The following TP53I11 variants were observed in gnomAD, a reference collection of about 807,000 sequenced individuals.
The protein encoded by TP53I11 is tumor protein p53-inducible protein 11.
Under a neutral mutation model 23.3 loss-of-function variants are expected in TP53I11, and 9 were observed. The ratio of observed to expected loss-of-function variants is 0.39; its 90% CI spans 0.23 to 0.67. The LOEUF (loss-of-function observed/expected upper bound fraction) is 0.67. Ranked by LOEUF, TP53I11 falls within the 30% of genes least tolerant of loss-of-function variation. The pLI, the probability that TP53I11 is intolerant of heterozygous loss-of-function variation, is 0.48. For missense variants in TP53I11, 170 were observed against 255.2 expected, an observed-to-expected ratio of 0.67 and a Z score of 2.27; for synonymous variants, 100 against 106.1, an observed-to-expected ratio of 0.94 and a Z score of 0.35.
upstream of TP53I11, chr11:44,951,201 G>A (rs1242194550): frequency 6.6e-6 from 1 of 152,530 alleles, no homozygotes; most frequent in Non-Finnish European, 1.5e-5. Context: ...AACGTAGATG[G>A]GCAAACCACA....
At chr11:44,949,311 G>C (rs1186468174) in intron 1 of TP53I11, among the ~76,000 whole-genome samples, 1 of 152,184 alleles carries the variant, frequency 6.6e-6, no homozygotes, top group Non-Finnish European at 1.5e-5. Context: ...TCCACAGGCC[G>C]TCAGGGGTGG....
chr11:44,937,829 G>A (rs1452601521), intron 2 of TP53I11, among the ~76,000 whole-genome samples: 2 of 152,224 alleles, frequency 1.3e-5, no homozygotes, highest in African/African-American at 2.4e-5. Flanking sequence ...TGATGGTGAC[G>A]TATGAAAGCT....
rs2135412314 is a variant in TP53I11 at position 44,934,813 on chromosome 11, G to C, written c.*71C>G. 1 of 1,598,170 alleles carries C rather than the reference G, an allele frequency of 6.3e-7. No homozygotes were observed. Among genetic ancestry groups the C allele is most frequent in the African/African-American group, 1.3e-5 (1 of 74,678 alleles). On this transcript the variant is annotated 3_prime_UTR_variant, in exon 7 of 7. Transcript: ENST00000525680. ...CAGGGGACCCTCCTGCCTTCCAGGAGCCAAAGGGAAGCCGAGGCCCCAGCG... is the reference window on the plus strand; with the variant it reads ...CAGGGGACCCTCCTGCCTTCCAGGACCCAAAGGGAAGCCGAGGCCCCAGCG...
In TP53I11 at chr11:44,937,339, C is replaced by T. The variant is rs759671696; in HGVS notation, c.202G>A (p.Val68Ile). 13 of 1,485,174 alleles carry T rather than the reference C, an allele frequency of 8.8e-6. No homozygotes were observed. In the African/African-American group the frequency reaches 1.1e-4, roughly 13 times the overall value. The allele number at this position is 1,485,174 out of a possible 1,614,324, so 92.0% of individuals were successfully genotyped here. A position where few individuals can be genotyped will look rare whatever the true frequency, so the allele number is the denominator to read the frequency against. The part of the protein sequence containing the change: ...EPLGLRVWQF[V>I]SAVLFSGIAI... ...ATGCCGGAGAAGAGCACAGCAGAGA[C>T]GAACTGCCAGACCCTGGGAGGCGTG... is the stretch of plus-strand genomic sequence containing the variant. The change falls in exon 4 of 7, where the codon GTC (valine) becomes ATC (isoleucine). Residue 68 changes from valine (V) to isoleucine (I), a missense_variant. Coordinates refer to ENST00000525680, the MANE Select transcript of TP53I11 (RefSeq NM_006034.5).
chr11:44,942,335 C>CCA (rs151152697), intron 1 of TP53I11, among the ~76,000 whole-genome samples: 7 of 146,264 alleles, frequency 4.8e-5, no homozygotes, highest in Non-Finnish European at 7.6e-5. Context: ...ACCATAGACA[C>CCA]CACACACACA....
At chr11:44,940,006 A>G (rs1861600571) in intron 1 of TP53I11, among the ~76,000 whole-genome samples, 1 of 152,232 alleles carries the variant, frequency 6.6e-6, no homozygotes, top group African/African-American at 2.4e-5. Context: ...CTACCCTGCC[A>G]GGGAAGCCAG....
chr11:44,941,520 A>G (rs1216681344), intron 1 of TP53I11, among the ~76,000 whole-genome samples: 1 of 152,080 alleles, frequency 6.6e-6, no homozygotes, highest in African/African-American at 2.4e-5. Flanking sequence ...CAGTCACTTA[A>G]CCTCTACGTG....
intron 1 of TP53I11, among the ~76,000 whole-genome samples, chr11:44,948,865 G>A (rs1565132464): frequency 1.3e-5 from 2 of 152,254 alleles, no homozygotes; most frequent in Non-Finnish European, 2.9e-5. Context: ...GAAATTGGGA[G>A]GCTGGGTGTG....
At position 44,936,974 on chromosome 11, in the gene TP53I11, C is replaced by T. The variant is rs894862127; in HGVS notation, c.238-75G>A. 1.5e-5 allele frequency: 16 copies of T among 1,074,960 alleles called. No individual in the cohort carries two copies. The highest frequency in any genetic ancestry group is 1.1e-4 in the African/African-American group (7 of 62,570). The allele number at this position is 1,074,960 out of a possible 1,614,324, so 66.6% of individuals were successfully genotyped here. The stretch of plus-strand genomic sequence containing the variant: ...GGTGACAGCTGATGCTTCCCACAGA[C>T]GTCTTCCTTCCCCGCCAGGAGCAGG... On this transcript the variant is annotated intron_variant, in intron 4 of 6. Coordinates refer to ENST00000525680, the MANE Select transcript of TP53I11 (RefSeq NM_006034.5). This position sits in a 1 kb window ranked among gnomAD's most constrained non-coding sequence, Gnocchi z 4.4.
In TP53I11 at chr11:44,938,436, C is replaced by CT; in HGVS notation, c.-31-71dup. On this transcript the variant is annotated intron_variant, in intron 1 of 6. Transcript: ENST00000525680. ...CCAGACCCTAGGGGAAGGGGCCTGA[C>CT]TAGCGGAAGGCCACACCCCACACCA... 4 of 1,427,552 alleles carry CT rather than the reference C, an allele frequency of 2.8e-6. No homozygotes were observed. The South Asian group carries it at 4.4e-5, about 16-fold the overall frequency. 88.4% of individuals were successfully genotyped at this position (1,427,552 alleles called of 1,614,324 possible).
intron 1 of TP53I11, among the ~76,000 whole-genome samples, chr11:44,948,805 T>C (rs1161131296): frequency 6.6e-6 from 1 of 152,088 alleles, no homozygotes; most frequent in African/African-American, 2.4e-5. Context: ...TCCTCCCCCA[T>C]ACCCCAAGAG....
intron 1 of TP53I11, chr11:44,947,110 G>A (rs1862461906): frequency 2.2e-6 from 1 of 456,150 alleles, no homozygotes; most frequent in Admixed American, 2.3e-5. Flanking sequence ...TCCTCCCCCG[G>A]GGGTCTGAAG....
At position 44,937,361 on chromosome 11, in the gene TP53I11, C is replaced by T. The variant is rs548753766; in HGVS notation, c.189-9G>A. On this transcript the variant is annotated splice_polypyrimidine_tract_variant and intron_variant, in intron 3 of 6. Transcript: ENST00000525680. The stretch of plus-strand genomic sequence containing the variant: ...AGACGAACTGCCAGACCCTGGGAGG[C>T]GTGGAAAGAAGATCACAGCCCTGCC... The T allele has an allele frequency of 6.1e-6, 9 of 1,473,218 alleles. No individual in the cohort carries two copies. Among genetic ancestry groups the T allele is most frequent in the African/African-American group, 2.8e-5 (2 of 70,370 alleles). 91.3% of individuals were successfully genotyped at this position (1,473,218 alleles called of 1,614,324 possible).
intron 1 of TP53I11, 178 bp from the exon 2 acceptor site, chr11:44,938,544 C>G (rs1399543028): frequency 4.6e-6 from 3 of 648,210 alleles, no homozygotes; most frequent in Non-Finnish European, 7.2e-6. Flanking sequence ...AGGAAATGCT[C>G]TCCAGGCCCC....
chr11:44,937,532 C>A (rs12792390), intron 3 of TP53I11, 23 bp downstream of exon 3: 6 of 1,612,412 alleles, frequency 3.7e-6, no homozygotes, highest in Non-Finnish European at 5.1e-6. Flanking sequence ...TCCCCTCCCC[C>A]AAAAAGTCAG....
rs1190481059 is a variant in TP53I11, at chr11:44,934,316, GGTGT to G, written c.*564_*567del. ...ATGTGTGTCTGTGTGTGTGTTCAGG[GGTGT>G]GTATGTGTGTGTGTTGTGTGTCTGT... On this transcript the variant is annotated 3_prime_UTR_variant, in exon 7 of 7. Transcript: ENST00000525680. The G allele has an allele frequency of 1.2e-5, 2 of 161,006 alleles. No individual in the cohort carries two copies. The highest frequency in any genetic ancestry group is 5.8e-5 in the Admixed American group (1 of 17,154). 10.0% of individuals were successfully genotyped at this position (161,006 alleles called of 1,614,324 possible). A position where few individuals can be genotyped will look rare whatever the true frequency, so the allele number is the denominator to read the frequency against.
At chr11:44,945,495 T>TG (rs747847838) in intron 1 of TP53I11, among the ~76,000 whole-genome samples, 19 of 148,992 alleles carry the variant, frequency 1.3e-4, no homozygotes, top group East Asian at 1.2e-3. Flanking sequence ...GTGGTGGGGG[T>TG]GGGGGGGCGT....
intron 1 of TP53I11, chr11:44,947,300 C>T (rs1862481715): frequency 2.8e-6 from 1 of 362,420 alleles, no homozygotes; most frequent in Admixed American, 3.5e-5. Context: ...TGTCAGGGCC[C>T]TCAAGGGCAG....
In TP53I11 at chr11:44,937,590, T is replaced by A; in HGVS notation, c.153A>T (p.Glu51Asp). ...RSKISQVLGN[E>D]IKFTIREPLG... ...AAGGCTCCCGAATGGTAAACTTGAT[T>A]TCATTGCCTAAGACCTGGCTGATCT... is the stretch of plus-strand genomic sequence containing the variant. Residue 51 changes from glutamate (E) to aspartate (D), a missense_variant, in exon 3 of 7, where the codon GAA becomes GAT. Physicochemically the swap from Glu to Asp is conservative, Grantham distance 45 (BLOSUM62 2). Coordinates refer to ENST00000525680, the MANE Select transcript of TP53I11 (RefSeq NM_006034.5). 1 of 1,613,680 alleles carries A rather than the reference T, an allele frequency of 6.2e-7. No homozygotes were observed. The highest frequency in any genetic ancestry group is 1.1e-5 in the South Asian group (1 of 91,014).
Sources: allele counts gnomAD v4.1 joint callset (sites outside exome capture counted in the v4.1 genomes callset), GRCh38; gene constraint gnomAD v4.1.1; non-coding constraint Gnocchi (gnomAD v3.1); transcripts MANE v1.5; gene names NCBI Gene and HGNC (gene_info 2026-07-23, HGNC 2026-07-21).